Variants in VPS54 observed in about 807,000 individuals in gnomAD.
The protein encoded by VPS54 is vacuolar protein sorting-associated protein 54.
A neutral mutation model predicts 121.5 loss-of-function variants in VPS54; 45 were observed. The observed-to-expected ratio is 0.37, with a 90% confidence interval of 0.29 to 0.47. The LOEUF is 0.47. Among genes scored for constraint, VPS54 ranks in the 20% least tolerant of loss-of-function variants. The probability of loss-of-function intolerance (pLI) is 0.99; values close to 1 mark genes in which losing one functional copy is unlikely to be tolerated. For synonymous variants in VPS54, 371 were observed against 385.8 expected, an observed-to-expected ratio of 0.96 and a Z score of 0.45; for missense variants, 1,090 against 1,131.4, an observed-to-expected ratio of 0.96 and a Z score of 0.52.
intron 2 of VPS54, among the ~76,000 whole-genome samples, chr2:63,982,658 A>G (rs571174340): frequency 5.3e-5 from 8 of 152,296 alleles, no homozygotes; most frequent in Admixed American, 5.2e-4. Context: ...CAACACATGT[A>G]TTTTCTCCAT....
At chr2:63,925,495 C>G (rs191271629) in intron 12 of VPS54, among the ~76,000 whole-genome samples, 113 of 152,330 alleles carry the variant, frequency 7.4e-4, no homozygotes, top group Non-Finnish European at 1.2e-3. Flanking sequence ...CATTCACATA[C>G]TTTGTTTCCA....
intron 7 of VPS54, 76 bp from the exon 8 acceptor site, chr2:63,949,239 T>G (rs1259922098): frequency 6.9e-7 from 1 of 1,458,598 alleles, no homozygotes; most frequent in Non-Finnish European, 9.2e-7. Context: ...AGGGAACTAG[T>G]AGGTAAAACT....
chr2:63,925,534 C>G (rs2104462786), intron 12 of VPS54, among the ~76,000 whole-genome samples: 1 of 152,296 alleles, frequency 6.6e-6, no homozygotes, highest in Non-Finnish European at 1.5e-5. Context: ...ATGCTTGTAA[C>G]ATGTGCAACA....
At position 63,920,588 on chromosome 2, in the gene VPS54, T is replaced by C. The variant is rs1349231116; in HGVS notation, c.1909A>G (p.Thr637Ala). The C allele has an allele frequency of 1.3e-6, 2 of 1,542,316 alleles. No homozygotes were observed. The highest frequency in any genetic ancestry group is 2.0e-5 in the Admixed American group (1 of 50,084). The stretch of plus-strand genomic sequence containing the variant: ...AATGTTTCCATTAATCTAGAAAGTG[T>C]TATGAATTCCATGGAATTTAGCTTC... ...LEKLNSMEFITLSRLMETFIL... is the reference protein window; with the variant it reads ...LEKLNSMEFIALSRLMETFIL... The change falls in exon 14 of 23, where the codon ACA (threonine) becomes GCA (alanine). Residue 637 changes from threonine (T) to alanine (A), a missense_variant. Coordinates refer to ENST00000272322, the MANE Select transcript of VPS54 (RefSeq NM_016516.3).
intron 1 of VPS54, among the ~76,000 whole-genome samples, chr2:63,989,865 A>G (rs1194434332): frequency 1.3e-5 from 2 of 152,178 alleles, no homozygotes; most frequent in African/African-American, 4.8e-5. Context: ...TTAGATGTGG[A>G]CCTGTTAAAA....
intron 12 of VPS54, among the ~76,000 whole-genome samples, chr2:63,932,357 G>A (rs1674250459): frequency 6.6e-6 from 1 of 152,162 alleles, no homozygotes; most frequent in African/African-American, 2.4e-5. Flanking sequence ...GTCCTTTGCA[G>A]GGACATGGAT....
rs1370305389 is a variant in VPS54, at chr2:63,892,625, C to T, written c.*805G>A. On this transcript the variant is annotated 3_prime_UTR_variant, in exon 23 of 23. Transcript: ENST00000272322. ...CTTACCTCTGCTACAAATAAAAACA[C>T]CCCAAACCCTTCATCATACTTTTAT... 6.6e-6 allele frequency: 1 copy of T among 152,520 alleles called. No individual in the cohort carries two copies. Among genetic ancestry groups the T allele is most frequent in the Admixed American group, 6.6e-5 (1 of 15,256 alleles). The allele number at this position is 152,520 out of a possible 1,614,324, so 9.4% of individuals were successfully genotyped here. A position where few individuals can be genotyped will look rare whatever the true frequency, so the allele number is the denominator to read the frequency against.
chr2:64,000,943 C>G (rs1328464455), intron 1 of VPS54, among the ~76,000 whole-genome samples: 1 of 152,254 alleles, frequency 6.6e-6, no homozygotes, highest in Admixed American at 6.5e-5. Context: ...GCCAGCCCAG[C>G]TTCTGTCCTT....
intron 13 of VPS54, among the ~76,000 whole-genome samples, 180 bp downstream of exon 13, chr2:63,921,022 CTATT>C (rs1558992342): frequency 6.6e-6 from 1 of 151,912 alleles, no homozygotes; most frequent in East Asian, 1.9e-4. Context: ...TTAATAACTC[CTATT>C]TATTTTAGAT....
chr2:63,999,041 G>A (rs553052538), intron 1 of VPS54, among the ~76,000 whole-genome samples: 1 of 152,230 alleles, frequency 6.6e-6, no homozygotes, highest in East Asian at 1.9e-4. Context: ...CCACCTCCCA[G>A]GTTCAAGTGA....
intron 1 of VPS54, among the ~76,000 whole-genome samples, chr2:64,004,223 C>A (rs2104684000): frequency 6.6e-6 from 1 of 152,066 alleles, no homozygotes; most frequent in African/African-American, 2.4e-5. Context: ...GAAAGAAAAT[C>A]TCTACTGAAG....
intron 1 of VPS54, among the ~76,000 whole-genome samples, chr2:63,988,443 T>C (rs1677155693): frequency 6.6e-6 from 1 of 152,192 alleles, no homozygotes. Flanking sequence ...GTCACAGATA[T>C]GTGTTGCGGG....
At chr2:64,002,311 G>C (rs1022983832) in intron 1 of VPS54, among the ~76,000 whole-genome samples, 1 of 152,176 alleles carries the variant, frequency 6.6e-6, no homozygotes, top group African/African-American at 2.4e-5. Context: ...TTCTGTGAGT[G>C]CTCACCTGAT....
chr2:63,982,422 A>G (rs1676840335), intron 2 of VPS54, among the ~76,000 whole-genome samples: 1 of 152,210 alleles, frequency 6.6e-6, no homozygotes, highest in Non-Finnish European at 1.5e-5. Context: ...TATTTGTTCT[A>G]TAAAGTTATT....
At chr2:63,979,884 T>C (rs944936025) in intron 3 of VPS54, among the ~76,000 whole-genome samples, 1 of 152,188 alleles carries the variant, frequency 6.6e-6, no homozygotes, top group Non-Finnish European at 1.5e-5. Flanking sequence ...AAAATTTGTT[T>C]TCAAACCTAG....
At chr2:63,995,117 T>C (rs975938349) in intron 1 of VPS54, among the ~76,000 whole-genome samples, 1 of 152,136 alleles carries the variant, frequency 6.6e-6, no homozygotes, top group Non-Finnish European at 1.5e-5. Flanking sequence ...ACTGCAAGTA[T>C]GGGAAGGGGA....
Position 63,914,284 on chromosome 2 carries a change from G to T in VPS54, c.2232C>A (p.Thr744=). The change falls in exon 17 of 23, where the codon ACC becomes ACA. Residue 744 remains threonine (T), a synonymous_variant. Transcript: ENST00000272322. Reference sequence around the variant, plus strand: ...GGATAATTCTTATTAACAGCAATACGGTTCTACAAGAAAAGAAAAATGGCC... The same window carrying T: ...GGATAATTCTTATTAACAGCAATACTGTTCTACAAGAAAAGAAAAATGGCC... The part of the protein sequence containing the change: ...VEGQQYAVVG[T]VLLLIRIILE... 1 of 1,593,522 alleles carries T rather than the reference G, an allele frequency of 6.3e-7. No homozygotes were observed. Among genetic ancestry groups the T allele is most frequent in the Non-Finnish European group, 8.5e-7 (1 of 1,170,808 alleles).
intron 22 of VPS54, among the ~76,000 whole-genome samples, chr2:63,895,445 C>T (rs1415692038): frequency 3.9e-5 from 6 of 152,126 alleles, no homozygotes; most frequent in African/African-American, 7.2e-5. Context: ...CAGAGTGATA[C>T]TCCATCTCAA....
At chr2:64,013,718 A>G (rs1678554327) in intron 1 of VPS54, among the ~76,000 whole-genome samples, 1 of 147,752 alleles carries the variant, frequency 6.8e-6, no homozygotes, top group East Asian at 1.9e-4. Flanking sequence ...TATATCATAT[A>G]GAGAGATATA....
Sources: gnomAD v4.1 joint callset for allele counts (sites outside exome capture counted in the v4.1 genomes callset) on GRCh38, gnomAD v4.1.1 for gene constraint, MANE v1.5 for transcripts, NCBI Gene and HGNC (gene_info 2026-07-23, HGNC 2026-07-21) for gene names.